ZNF609: variants seen among roughly 807,000 people sequenced by gnomAD.
ZNF609 encodes zinc finger protein 609.
ZNF609 carries 11 observed loss-of-function variants against 109.5 expected under a neutral mutation model. That is an observed-to-expected ratio of 0.10 (90% CI 0.06 to 0.17). The LOEUF (loss-of-function observed/expected upper bound fraction) is 0.17, where lower values mean the gene tolerates loss of function less well. Among genes scored for constraint, ZNF609 ranks in the 10% least tolerant of loss-of-function variants. The pLI, the probability that ZNF609 is intolerant of heterozygous loss-of-function variation, is 1.00. For missense variants in ZNF609, 1,559 were observed against 1,772.4 expected, an observed-to-expected ratio of 0.88 and a Z score of 2.16; for synonymous variants, 646 against 662.0, an observed-to-expected ratio of 0.98 and a Z score of 0.37.
At chr15:64,472,077 AT>A (rs1372209474) in intron 1 of ZNF609, among the ~76,000 whole-genome samples, 10 of 149,682 alleles carry the variant, frequency 6.7e-5, no homozygotes, top group African/African-American at 2.2e-4. Context: ...CGCCCAGCTA[AT>A]TTTTGTATTT....
chr15:64,643,402 T>A (rs924282002), intron 3 of ZNF609, among the ~76,000 whole-genome samples: 17 of 152,084 alleles, frequency 1.1e-4, no homozygotes, highest in African/African-American at 4.1e-4. Context: ...GGAGTTGAGG[T>A]ATTGGTTGTA....
intron 3 of ZNF609, among the ~76,000 whole-genome samples, chr15:64,666,045 A>T (rs1010645819): frequency 6.7e-6 from 1 of 148,272 alleles, no homozygotes; most frequent in East Asian, 2.0e-4. Flanking sequence ...ACTGCACTCC[A>T]CCCTGGGCAA....
intron 1 of ZNF609, among the ~76,000 whole-genome samples, chr15:64,493,526 C>T (rs1893443037): frequency 6.6e-6 from 1 of 152,094 alleles, no homozygotes. Context: ...CATGACCTAT[C>T]TTGGTCCCTT....
chr15:64,529,157 C>CTA (rs1216993355), intron 2 of ZNF609: 2 of 743,468 alleles, frequency 2.7e-6, no homozygotes. Context: ...ATGAATCCTT[C>CTA]TATGATACCA....
intron 1 of ZNF609, among the ~76,000 whole-genome samples, chr15:64,466,441 G>A (rs1011106050): frequency 6.6e-6 from 1 of 152,118 alleles, no homozygotes; most frequent in African/African-American, 2.4e-5. Context: ...ACTAATTAAC[G>A]GATGATTGAA....
At chr15:64,554,942 C>G (rs764981124) in intron 2 of ZNF609, among the ~76,000 whole-genome samples, 3 of 151,732 alleles carry the variant, frequency 2.0e-5, no homozygotes, top group Non-Finnish European at 2.9e-5. Context: ...ACTAAAAATA[C>G]AAAAATTAGC....
chr15:64,536,735 A>C (rs1257805853), intron 2 of ZNF609, among the ~76,000 whole-genome samples: 173 of 131,626 alleles, frequency 1.3e-3, no homozygotes, highest in African/African-American at 4.6e-3. Context: ...CCCCCCCCCC[A>C]AAAAAAAAAT....
intron 2 of ZNF609, among the ~76,000 whole-genome samples, chr15:64,618,774 G>A (rs989000280): frequency 6.6e-6 from 1 of 152,004 alleles, no homozygotes; most frequent in African/African-American, 2.4e-5. Context: ...TCCTCTCAAC[G>A]CCCTCTCGAG....
chr15:64,656,218 C>A (rs1408907727), intron 3 of ZNF609, among the ~76,000 whole-genome samples: 1 of 152,076 alleles, frequency 6.6e-6, no homozygotes, highest in Non-Finnish European at 1.5e-5. Context: ...CACCCACCAT[C>A]ACACCCAGCC....
In ZNF609 at chr15:64,674,121, G is replaced by A. The variant is rs372941273; in HGVS notation, c.1267G>A (p.Ala423Thr). Residue 423 changes from alanine to threonine, a missense_variant, in exon 5 of 10, where the codon GCC becomes ACC. By Grantham distance (58) the Ala-to-Thr change is moderately conservative (BLOSUM62 0). Around this residue, in one of 4 missense-constraint regions of ZNF609, gnomAD observed 1,204 missense variants for 1,314.1 expected, o/e 0.92. Transcript: ENST00000326648. ...SQNSSEHRPP[A>T]SSTSEDVKAS... ...GAATTCTTCAGAGCACCGCCCACCT[G>A]CCAGCAGCACTTCTGAGGATGTCAA... 6.2e-6 allele frequency: 10 copies of A among 1,614,100 alleles called. No homozygotes were observed. The African/African-American group carries it at 1.2e-4, about 19-fold the overall frequency.
intron 2 of ZNF609, among the ~76,000 whole-genome samples, chr15:64,510,609 C>T (rs907586365): frequency 2.6e-5 from 4 of 152,132 alleles, no homozygotes; most frequent in Non-Finnish European, 5.9e-5. Flanking sequence ...ATGTAGGGTT[C>T]GATAATATCT....
At chr15:64,642,127 C>CTAA (rs982736568) in intron 3 of ZNF609, among the ~76,000 whole-genome samples, 2 of 152,178 alleles carry the variant, frequency 1.3e-5, no homozygotes, top group Non-Finnish European at 2.9e-5. Flanking sequence ...AGCATTCTCT[C>CTAA]TAATAATTTG....
At chr15:64,469,045 A>AAC (rs1331017139) in intron 1 of ZNF609, among the ~76,000 whole-genome samples, 1 of 141,140 alleles carries the variant, frequency 7.1e-6, no homozygotes, top group Non-Finnish European at 1.6e-5. Context: ...TTAAAAAAAA[A>AAC]AAAAAAAAAA....
At position 64,652,388 on chromosome 15, in the gene ZNF609, A is replaced by ATT. The variant is rs35371824; in HGVS notation, c.974-17943_974-17942dup. Among the ~76,000 whole-genome samples, 468 of 136,478 alleles carry ATT rather than the reference A, an allele frequency of 3.4e-3. 3 individuals are homozygous for ATT. Among genetic ancestry groups the ATT allele is most frequent in the East Asian group, 5.7e-3 (27 of 4,714 alleles). The allele number at this position is 136,478 out of a possible 152,430, so 89.5% of individuals were successfully genotyped here. Reference sequence around the variant, plus strand: ...AGGCACACACCACCATGCCTGGCTAATTTTTTTTTTTTTTTTGAGACAGGG... The same window carrying ATT: ...AGGCACACACCACCATGCCTGGCTAATTTTTTTTTTTTTTTTTTGAGACAGGG... On this transcript the variant is annotated intron_variant, in intron 3 of 9. Transcript: ENST00000326648.
chr15:64,588,261 CA>C (rs113371703), intron 2 of ZNF609, among the ~76,000 whole-genome samples: 122,967 of 132,276 alleles, frequency 0.93, 57,361 homozygotes, highest in East Asian at 0.99. Flanking sequence ...ACTAAAAATA[CA>C]AAAAAAAAAA....
rs184087028 is a variant in ZNF609 at position 64,607,785 on chromosome 15, G to A, written c.748-15042G>A. ...CCCCCAAAGTGCTGGGATTACAGGC[G>A]TCATCTACTGCACCTGGCCTTAAAT... On this transcript the variant is annotated intron_variant, in intron 2 of 9. Transcript: ENST00000326648. Among the ~76,000 whole-genome samples, 7 of 147,586 alleles carry A rather than the reference G, an allele frequency of 4.7e-5. No homozygotes were observed. The South Asian group carries it at 8.7e-4, about 18-fold the overall frequency.
intron 1 of ZNF609, among the ~76,000 whole-genome samples, chr15:64,485,626 G>A (rs1893321268): frequency 6.6e-6 from 1 of 152,048 alleles, no homozygotes; most frequent in South Asian, 2.1e-4. Flanking sequence ...AACATAGTGA[G>A]ACCCTGTCTA....
intron 1 of ZNF609, among the ~76,000 whole-genome samples, chr15:64,469,036 T>TAAAAAAAAA (rs34593010): frequency 4.9e-5 from 3 of 60,796 alleles, no homozygotes; most frequent in African/African-American, 6.7e-5. Flanking sequence ...CCTCATATCT[T>TAAAAAAAAA]AAAAAAAAAA....
At chr15:64,569,712 C>G (rs1343924392) in intron 2 of ZNF609, among the ~76,000 whole-genome samples, 1 of 152,232 alleles carries the variant, frequency 6.6e-6, no homozygotes, top group Non-Finnish European at 1.5e-5. Flanking sequence ...ACTTCTCCTT[C>G]TGAACAGAAA....
Sources: allele counts gnomAD v4.1 joint callset (sites outside exome capture counted in the v4.1 genomes callset), GRCh38; gene constraint gnomAD v4.1.1; regional missense constraint gnomAD v4.1.1; transcripts MANE v1.5; gene names NCBI Gene and HGNC (gene_info 2026-07-23, HGNC 2026-07-21).